AKAP7: variants seen among roughly 807,000 people sequenced by gnomAD.
The protein encoded by AKAP7 is A kinase (PRKA) anchor protein 7.
AKAP7 carries 39 observed loss-of-function variants against 39.5 expected under a neutral mutation model. That is an observed-to-expected ratio of 0.99 (90% CI 0.76 to 1.29). The LOEUF is 1.29. AKAP7 is among the 50% of genes most tolerant of loss of function. AKAP7 has a pLI of 0.00. For synonymous variants in AKAP7, 140 were observed against 139.1 expected (o/e 1.01, Z -0.05); for missense variants, 414 against 407.7 (o/e 1.02, Z -0.13).
chr6:131,198,664 C>T (rs1476425251), intron 5 of AKAP7, among the ~76,000 whole-genome samples: 1 of 152,122 alleles, frequency 6.6e-6, no homozygotes, highest in African/African-American at 2.4e-5. Context: ...TCCTGGGCTC[C>T]ATCTGGGTTT....
At chr6:131,249,273 C>A (rs1278845578) in intron 7 of AKAP7, among the ~76,000 whole-genome samples, 1 of 151,914 alleles carries the variant, frequency 6.6e-6, no homozygotes, top group Admixed American at 6.6e-5. Context: ...ATATTTGCAT[C>A]AAAATTATCA....
chr6:131,273,594 AT>A lies in AKAP7; in HGVS notation c.851-7932del, dbSNP rs537230196. 5.3e-3 allele frequency among the ~76,000 whole-genome samples: 812 copies of A among 152,222 alleles called. 5 individuals are homozygous for A. Among genetic ancestry groups the A allele is most frequent in the Middle Eastern group, 0.02 (6 of 294 alleles). ...ACAGAAGAACCTTACAGTTATTTGC[AT>A]TTTCCCCCTCCCAATCTTTGTGTGC... On this transcript the variant is annotated intron_variant, in intron 7 of 7. Transcript: ENST00000431975.
chr6:131,150,185 G>A (rs149649626), intron 2 of AKAP7, among the ~76,000 whole-genome samples: 18 of 152,010 alleles, frequency 1.2e-4, no homozygotes, highest in African/African-American at 4.1e-4. Flanking sequence ...CCCTAAATGT[G>A]GAATTCAGTT....
At chr6:131,245,469 C>T (rs994707591) in intron 7 of AKAP7, among the ~76,000 whole-genome samples, 4 of 149,514 alleles carry the variant, frequency 2.7e-5, no homozygotes, top group Admixed American at 1.3e-4. Context: ...AGTAGAGACG[C>T]GGTTTCACTA....
chr6:131,208,496 T>C (rs1398948917), intron 6 of AKAP7, among the ~76,000 whole-genome samples: 8 of 152,220 alleles, frequency 5.3e-5, no homozygotes, highest in African/African-American at 1.9e-4. Flanking sequence ...CTGGAAGAAA[T>C]GACTGGTGAA....
At chr6:131,240,898 C>G (rs1271612394) in intron 7 of AKAP7, among the ~76,000 whole-genome samples, 1 of 152,066 alleles carries the variant, frequency 6.6e-6, no homozygotes, top group Non-Finnish European at 1.5e-5. Context: ...ACGCTCAGTG[C>G]CCTGCACCCA....
At chr6:131,127,109 G>A in the AKAP7 span, among the ~76,000 whole-genome samples, 5 of 151,876 alleles carry the variant, frequency 3.3e-5, no homozygotes, top group South Asian at 4.2e-4. Context: ...GCAGTGGCGC[G>A]ATCTCGGCTC....
intron 7 of AKAP7, among the ~76,000 whole-genome samples, chr6:131,271,788 A>G (rs1814305833): frequency 6.6e-6 from 1 of 152,228 alleles, no homozygotes; most frequent in South Asian, 2.1e-4. Context: ...TCTGTTTAGA[A>G]TAAAAAAGTT....
intron 5 of AKAP7, among the ~76,000 whole-genome samples, chr6:131,171,412 A>G (rs1804033055): frequency 6.6e-6 from 1 of 152,200 alleles, no homozygotes; most frequent in Admixed American, 6.5e-5. Flanking sequence ...GGAGGAGTGT[A>G]TCCTGGGTAG....
At chr6:131,187,538 C>T (rs1472531381) in intron 5 of AKAP7, among the ~76,000 whole-genome samples, 1 of 151,926 alleles carries the variant, frequency 6.6e-6, no homozygotes, top group Non-Finnish European at 1.5e-5. Flanking sequence ...TCATTTTATC[C>T]TCTTATCCCC....
Position 131,245,296 on chromosome 6 carries a change from A to G in AKAP7, c.850+25488A>G, listed in dbSNP as rs1390814744. Among the ~76,000 whole-genome samples the G allele has an allele frequency of 3.5e-5, 5 of 142,850 alleles. No individual in the cohort carries two copies. The Admixed American group carries it at 3.7e-4, about 10-fold the overall frequency. The allele number at this position is 142,850 out of a possible 152,430, so 93.7% of individuals were successfully genotyped here. ...AGTCTCACACTGTTGCCCGGGCTGG[A>G]GTGCAGTAGTGCAACTCGACTCACT... On this transcript the variant is annotated intron_variant, in intron 7 of 7. Coordinates refer to ENST00000431975, the MANE Select transcript of AKAP7 (RefSeq NM_016377.4).
At chr6:131,171,447 C>T (rs1365084507) in intron 5 of AKAP7, among the ~76,000 whole-genome samples, 2 of 152,086 alleles carry the variant, frequency 1.3e-5, no homozygotes. Context: ...GCAAATAAAT[C>T]AAGTCCTATT....
At chr6:131,221,670 C>G (rs552458201) in intron 7 of AKAP7, among the ~76,000 whole-genome samples, 12 of 152,262 alleles carry the variant, frequency 7.9e-5, no homozygotes, top group African/African-American at 2.6e-4. Context: ...TGCTCATTGT[C>G]CATTCCAAAA....
chr6:131,167,960 G>A (rs1886073), intron 4 of AKAP7, among the ~76,000 whole-genome samples: 86,397 of 151,904 alleles, frequency 0.57, 25,173 homozygotes, highest in East Asian at 0.79. Context: ...AATGTGCTTA[G>A]TTCTTTTTTA....
chr6:131,139,186 G>C (rs1015325420), intron 1 of AKAP7, among the ~76,000 whole-genome samples: 2 of 152,196 alleles, frequency 1.3e-5, no homozygotes, highest in East Asian at 3.8e-4. Context: ...TGGAGGAAGT[G>C]TTCTAAATAT....
At chr6:131,145,179 T>G in intron 1 of AKAP7, 106 bp from the exon 2 acceptor site, 1 of 746,942 alleles carries the variant, frequency 1.3e-6, no homozygotes, top group Non-Finnish European at 1.9e-6. Context: ...TCTTAACAGA[T>G]GTTAATTTAT....
intron 7 of AKAP7, among the ~76,000 whole-genome samples, chr6:131,241,577 A>ATATATGTGTGTGTG (rs1349874555): frequency 8.6e-5 from 7 of 81,302 alleles, no homozygotes; most frequent in South Asian, 4.3e-4. Context: ...GATTATATAT[A>ATATATGTGTGTGTG]TGTGTGTGTG....
intron 2 of AKAP7, among the ~76,000 whole-genome samples, chr6:131,156,463 C>A (rs548663888): frequency 6.6e-6 from 1 of 151,912 alleles, no homozygotes; most frequent in African/African-American, 2.4e-5. Context: ...CATAGTGAGA[C>A]CCCCACCTCT....
intron 7 of AKAP7, among the ~76,000 whole-genome samples, chr6:131,239,491 C>G (rs182634560): frequency 3.3e-5 from 5 of 152,208 alleles, no homozygotes; most frequent in African/African-American, 1.2e-4. Flanking sequence ...GGATAATATC[C>G]TGCAGAGTGT....
Sources: allele counts gnomAD v4.1 joint callset (sites outside exome capture counted in the v4.1 genomes callset), GRCh38; gene constraint gnomAD v4.1.1; transcripts MANE v1.5; gene names NCBI Gene and HGNC (gene_info 2026-07-23, HGNC 2026-07-21).